Variants in CNNM2 observed in about 807,000 individuals in gnomAD.
The protein encoded by CNNM2 is metal transporter CNNM2.
In CNNM2, 12 loss-of-function variants were observed where a neutral mutation model predicts 66.9. The ratio of observed to expected loss-of-function variants is 0.18; its 90% CI spans 0.11 to 0.29. The LOEUF is 0.29. Ranked by LOEUF, CNNM2 falls within the 10% of genes least tolerant of loss-of-function variation. The pLI is 1.00. For missense variants in CNNM2, 705 were observed against 1,167.7 expected, an observed-to-expected ratio of 0.60 and a Z score of 5.77; for synonymous variants, 557 against 501.8, an observed-to-expected ratio of 1.11 and a Z score of -1.47.
rs1294189754 is a variant in CNNM2 at position 103,087,825 on chromosome 10, T to G, written c.*10645T>G. 1 of 152,216 alleles carries G rather than the reference T, an allele frequency of 6.6e-6. No individual in the cohort carries two copies. The highest frequency in any genetic ancestry group is 1.5e-5 in the Non-Finnish European group (1 of 68,042). 9.4% of individuals were successfully genotyped at this position (152,216 alleles called of 1,614,324 possible). A position where few individuals can be genotyped will look rare whatever the true frequency, so the allele number is the denominator to read the frequency against. ...TATTCCCAATATATACCATTTAGAATGTATGTATGTTTCTTGGATGACTTA... is the reference window on the plus strand; with the variant it reads ...TATTCCCAATATATACCATTTAGAAGGTATGTATGTTTCTTGGATGACTTA... On this transcript the variant is annotated 3_prime_UTR_variant, in exon 8 of 8. Coordinates refer to ENST00000369878, the MANE Select transcript of CNNM2 (RefSeq NM_017649.5).
rs143574382 is a variant in CNNM2 at position 103,039,172 on chromosome 10, T to C, written c.1622-10535T>C. 1.7e-3 allele frequency among the ~76,000 whole-genome samples: 253 copies of C among 151,860 alleles called. 1 individual carries two copies. Among genetic ancestry groups the C allele is most frequent in the African/African-American group, 5.8e-3 (240 of 41,380 alleles). ...TTTTTGCTTTTTTTTTGAGATGGAG[T>C]CTCGCTCTGTCAGCCAGGCTGGAAT... is the stretch of plus-strand genomic sequence containing the variant. On this transcript the variant is annotated intron_variant, in intron 1 of 7. Coordinates refer to ENST00000369878, the MANE Select transcript of CNNM2 (RefSeq NM_017649.5).
At chr10:102,944,631 C>CTGGACCAT (rs1442195538) in intron 1 of CNNM2, among the ~76,000 whole-genome samples, 1 of 131,918 alleles carries the variant, frequency 7.6e-6, no homozygotes, top group Non-Finnish European at 1.6e-5. Flanking sequence ...TCTTTTCTTC[C>CTGGACCAT]TGGACCATTG....
At chr10:103,016,287 C>T (rs567928124) in intron 1 of CNNM2, among the ~76,000 whole-genome samples, 3 of 152,180 alleles carry the variant, frequency 2.0e-5, no homozygotes, top group African/African-American at 4.8e-5. Flanking sequence ...AGTGACAAAG[C>T]TCTAAAAGAT....
chr10:102,944,057 A>T (rs1192661073), intron 1 of CNNM2, among the ~76,000 whole-genome samples: 1 of 151,446 alleles, frequency 6.6e-6, no homozygotes, highest in Non-Finnish European at 1.5e-5. Flanking sequence ...AATTCTCTTT[A>T]ATCTTTAAGT....
intron 1 of CNNM2, among the ~76,000 whole-genome samples, chr10:103,032,277 C>G (rs2064840601): frequency 6.6e-6 from 1 of 152,004 alleles, no homozygotes; most frequent in South Asian, 2.1e-4. Flanking sequence ...TGGTGAAACC[C>G]CATCTCTACT....
At chr10:102,975,469 G>GAAAAAAAAAAA (rs57482469) in intron 1 of CNNM2, among the ~76,000 whole-genome samples, 1 of 119,296 alleles carries the variant, frequency 8.4e-6, no homozygotes, top group African/African-American at 3.2e-5. Context: ...GATGGAATTA[G>GAAAAAAAAAAA]AAAAAAAAAA....
In CNNM2 at chr10:103,077,339, G is replaced by C. The variant is rs1328714971; in HGVS notation, c.*159G>C. 3 of 621,476 alleles carry C rather than the reference G, an allele frequency of 4.8e-6. No homozygotes were observed. The highest frequency in any genetic ancestry group is 3.0e-5 in the Admixed American group (1 of 33,656). 38.5% of individuals were successfully genotyped at this position (621,476 alleles called of 1,614,324 possible). A position where few individuals can be genotyped will look rare whatever the true frequency, so the allele number is the denominator to read the frequency against. ...TGCCCTTCCCAGGAGCCGCGGAGGA[G>C]GACAGTGAGGGAGGAATGGAAACGA... On this transcript the variant is annotated 3_prime_UTR_variant, in exon 8 of 8. Coordinates refer to ENST00000369878, the MANE Select transcript of CNNM2 (RefSeq NM_017649.5).
intron 1 of CNNM2, among the ~76,000 whole-genome samples, chr10:102,988,172 G>A (rs1273508219): frequency 6.6e-6 from 1 of 151,772 alleles, no homozygotes; most frequent in Non-Finnish European, 1.5e-5. Context: ...AGTGGTGGTG[G>A]GCGCCTGTAA....
rs1168063192 is a variant in CNNM2, at chr10:102,972,519, C to T, written c.1621+52418C>T. Among the ~76,000 whole-genome samples, 1 of 152,146 alleles carries T rather than the reference C, an allele frequency of 6.6e-6. No individual in the cohort carries two copies. Among genetic ancestry groups the T allele is most frequent in the East Asian group, 1.9e-4 (1 of 5,186 alleles). On this transcript the variant is annotated intron_variant, in intron 1 of 7. Coordinates refer to ENST00000369878, the MANE Select transcript of CNNM2 (RefSeq NM_017649.5). Reference sequence around the variant, plus strand: ...GGGCGTGGTGGCGGGCGCCTGTAGTCCCAGCTACTCGGGAGGCTGAGGCAG... The same window carrying T: ...GGGCGTGGTGGCGGGCGCCTGTAGTTCCAGCTACTCGGGAGGCTGAGGCAG...
intron 1 of CNNM2, among the ~76,000 whole-genome samples, chr10:102,965,881 T>C (rs1330872146): frequency 6.6e-6 from 1 of 152,174 alleles, no homozygotes; most frequent in Admixed American, 6.5e-5. Context: ...GGTCTCTGTG[T>C]TTTCTGTTTC....
At chr10:103,053,660 A>G (rs987268099) in intron 2 of CNNM2, among the ~76,000 whole-genome samples, 4 of 152,240 alleles carry the variant, frequency 2.6e-5, no homozygotes, top group African/African-American at 9.6e-5. Flanking sequence ...TGTGGAGACT[A>G]TGTAGACCCA....
rs915289504 is a variant in CNNM2 at position 103,088,541 on chromosome 10, C to G, written c.*11361C>G. 2.0e-5 allele frequency: 3 copies of G among 152,682 alleles called. No individual in the cohort carries two copies. Among genetic ancestry groups the G allele is most frequent in the Non-Finnish European group, 4.4e-5 (3 of 68,306 alleles). The allele number at this position is 152,682 out of a possible 1,614,324, so 9.5% of individuals were successfully genotyped here. A position where few individuals can be genotyped will look rare whatever the true frequency, so the allele number is the denominator to read the frequency against. Reference sequence around the variant, plus strand: ...ATGATGGGATTACAGGCATGCACCACCACGCCCAGGTAATTTTGTATTTTT... The same window carrying G: ...ATGATGGGATTACAGGCATGCACCAGCACGCCCAGGTAATTTTGTATTTTT... On this transcript the variant is annotated 3_prime_UTR_variant, in exon 8 of 8. Transcript: ENST00000369878.
At chr10:102,928,823 G>A (rs1210670117) in intron 1 of CNNM2, among the ~76,000 whole-genome samples, 1 of 152,160 alleles carries the variant, frequency 6.6e-6, no homozygotes, top group Non-Finnish European at 1.5e-5. Context: ...CTACTGTGGG[G>A]ATTAAGTGTC....
Position 103,004,996 on chromosome 10 carries a change from T to A in CNNM2, c.1622-44711T>A, listed in dbSNP as rs529884627. Among the ~76,000 whole-genome samples, 13 of 152,104 alleles carry A rather than the reference T, an allele frequency of 8.5e-5. No homozygotes were observed. In the South Asian group the frequency reaches 2.7e-3, roughly 32 times the overall value. ...GAATGGTCTTTAATTTCTTTTTTTT[T>A]CCCCCCTCCAGGTTAAAGTGATTCT... On this transcript the variant is annotated intron_variant, in intron 1 of 7. Coordinates refer to ENST00000369878, the MANE Select transcript of CNNM2 (RefSeq NM_017649.5).
At chr10:102,972,646 G>A (rs557363736) in intron 1 of CNNM2, among the ~76,000 whole-genome samples, 1 of 152,148 alleles carries the variant, frequency 6.6e-6, no homozygotes, top group South Asian at 2.1e-4. Context: ...AATAAAAAAA[G>A]CTCCCTGATT....
chr10:102,945,956 C>T (rs953269253), intron 1 of CNNM2, among the ~76,000 whole-genome samples: 2 of 152,036 alleles, frequency 1.3e-5, no homozygotes, highest in East Asian at 1.9e-4. Flanking sequence ...TCTCTGTGGT[C>T]ATTGATTACT....
chr10:103,058,961 T>C (rs1423800352), intron 4 of CNNM2, among the ~76,000 whole-genome samples: 1 of 152,072 alleles, frequency 6.6e-6, no homozygotes, highest in Non-Finnish European at 1.5e-5. Flanking sequence ...GTTTGTTTGT[T>C]TTTTTGTTTG....
intron 1 of CNNM2, among the ~76,000 whole-genome samples, chr10:102,923,182 C>T (rs1412411342): frequency 6.6e-6 from 1 of 151,622 alleles, no homozygotes; most frequent in Non-Finnish European, 1.5e-5. Context: ...AGGCTGGATT[C>T]GAACTGTGAT....
Position 103,003,985 on chromosome 10 carries a change from ATTTTTTT to A in CNNM2, c.1622-45702_1622-45696del, listed in dbSNP as rs869152743. Among the ~76,000 whole-genome samples, 2 of 83,998 alleles carry A rather than the reference ATTTTTTT, an allele frequency of 2.4e-5. No individual in the cohort carries two copies. The highest frequency in any genetic ancestry group is 4.5e-5 in the Non-Finnish European group (2 of 44,632). The allele number at this position is 83,998 out of a possible 152,430, so 55.1% of individuals were successfully genotyped here. A position where few individuals can be genotyped will look rare whatever the true frequency, so the allele number is the denominator to read the frequency against. ...TGCTGAGTAGTACTCCATTGCATGA[ATTTTTTT>A]TTTTTTTTTTTTTTTTTTTGAGATG... is the stretch of plus-strand genomic sequence containing the variant. On this transcript the variant is annotated intron_variant, in intron 1 of 7. Coordinates refer to ENST00000369878, the MANE Select transcript of CNNM2 (RefSeq NM_017649.5).
Sources: allele counts gnomAD v4.1 joint callset (sites outside exome capture counted in the v4.1 genomes callset), GRCh38; gene constraint gnomAD v4.1.1; transcripts MANE v1.5; gene names NCBI Gene and HGNC (gene_info 2026-07-23, HGNC 2026-07-21).